DCHS2: variants seen among roughly 807,000 people sequenced by gnomAD.
The protein encoded by DCHS2 is dachsous cadherin-related 2, also known as protocadherin-23.
A neutral mutation model predicts 182.4 loss-of-function variants in DCHS2; 142 were observed. The ratio of observed to expected loss-of-function variants is 0.78; its 90% CI spans 0.68 to 0.89. DCHS2 has a LOEUF of 0.89. Ranked by LOEUF, DCHS2 falls within the 40% of genes least tolerant of loss-of-function variation. The probability of loss-of-function intolerance (pLI) is 0.00; values close to 1 mark genes in which losing one functional copy is unlikely to be tolerated. For synonymous variants in DCHS2, 1,740 were observed against 1,663.3 expected (o/e 1.05, Z -1.12); for missense variants, 4,319 against 4,198.6 (o/e 1.03, Z -0.79).
chr4:154,410,664 T>C (rs1425887961), intron 1 of DCHS2, among the ~76,000 whole-genome samples: 1 of 149,526 alleles, frequency 6.7e-6, no homozygotes, highest in South Asian at 2.1e-4. Flanking sequence ...ATTATAAGAG[T>C]TGCAGAAAGA....
intron 16 of DCHS2, among the ~76,000 whole-genome samples, chr4:154,246,972 TA>T (rs1179546900): frequency 2.0e-5 from 3 of 151,732 alleles, no homozygotes; most frequent in Admixed American, 1.3e-4. Flanking sequence ...AAAACAAAAC[TA>T]AAAAAAGGGG....
At chr4:154,397,207 G>C (rs1175896028) in intron 1 of DCHS2, among the ~76,000 whole-genome samples, 1 of 152,122 alleles carries the variant, frequency 6.6e-6, no homozygotes, top group Admixed American at 6.5e-5. Context: ...GACATAAACA[G>C]TAACATGGGC....
intron 1 of DCHS2, among the ~76,000 whole-genome samples, chr4:154,478,474 T>C (rs1229089380): frequency 6.6e-6 from 1 of 152,194 alleles, no homozygotes; most frequent in Admixed American, 6.5e-5. Context: ...GGAGTGAGTT[T>C]CCCATTTTTT....
rs1426494934 is a variant in DCHS2, at chr4:154,235,486, C to A, written c.9166G>T (p.Asp3056Tyr). 6.2e-7 allele frequency: 1 copy of A among 1,614,084 alleles called. No individual in the cohort carries two copies. The highest frequency in any genetic ancestry group is 1.3e-5 in the African/African-American group (1 of 75,052). ...GGGACCACCTCGTTACTGCAGTCGT[C>A]AGTTTTCTGGAAGGCTTTGAGCACA... ...ASVLKAFQKT[D>Y]DCSNEVVPVD... The change falls in exon 20 of 20, where the codon GAC (aspartate) becomes TAC (tyrosine). Residue 3056 changes from aspartate to tyrosine, a missense_variant. Coordinates refer to ENST00000357232, the MANE Select transcript of DCHS2 (RefSeq NM_001358235.2).
chr4:154,353,918 C>A (rs766663835), intron 3 of DCHS2, among the ~76,000 whole-genome samples: 5 of 151,870 alleles, frequency 3.3e-5, no homozygotes, highest in Admixed American at 6.6e-5. Flanking sequence ...GTTTGAAGAC[C>A]TTTTTTTTAT....
intron 13 of DCHS2, among the ~76,000 whole-genome samples, chr4:154,291,348 T>C (rs1578921579): frequency 6.6e-6 from 1 of 152,206 alleles, no homozygotes; most frequent in South Asian, 2.1e-4. Flanking sequence ...GGTGGGAATG[T>C]AAATTAGCTC....
chr4:154,484,219 C>T (rs972286919), intron 1 of DCHS2, among the ~76,000 whole-genome samples: 1 of 152,222 alleles, frequency 6.6e-6, no homozygotes, highest in East Asian at 1.9e-4. Context: ...TTACGCTTCA[C>T]TACCATTCCC....
intron 3 of DCHS2, chr4:154,343,534 C>A: frequency 1.3e-6 from 2 of 1,521,418 alleles, no homozygotes; most frequent in Non-Finnish European, 1.8e-6. Flanking sequence ...GCACTTGCTG[C>A]TTCATCTTGC....
intron 16 of DCHS2, among the ~76,000 whole-genome samples, chr4:154,249,117 CAAT>C (rs1400961098): frequency 1.3e-5 from 2 of 151,948 alleles, no homozygotes; most frequent in African/African-American, 4.8e-5. Flanking sequence ...AGCTTCTGCA[CAAT>C]AAAAGAAATA....
chr4:154,463,268 T>A (rs1735094430), intron 1 of DCHS2, among the ~76,000 whole-genome samples: 1 of 151,940 alleles, frequency 6.6e-6, no homozygotes, highest in African/African-American at 2.4e-5. Flanking sequence ...TCAGAATATA[T>A]CAGCACATTT....
rs1261021293 is a variant in DCHS2 at position 154,489,438 on chromosome 4, C to G, written c.1918G>C (p.Glu640Gln). The stretch of plus-strand genomic sequence containing the variant: ...AGGCAGGTGGCAGAGAGTGGGGGCT[C>G]TCCGAGGTCCTGGGCCACCACTTTC... Reference protein sequence around the residue: ...ELKVVAQDLGEPPLSATCLVS... With the variant: ...ELKVVAQDLGQPPLSATCLVS... The change falls in exon 1 of 20, where the codon GAG becomes CAG. Residue 640 changes from glutamate (E) to glutamine (Q), a missense_variant. Glu to Gln is a conservative substitution (Grantham distance 29). Transcript: ENST00000357232. 1.3e-6 allele frequency: 2 copies of G among 1,551,748 alleles called. No homozygotes were observed. The highest frequency in any genetic ancestry group is 3.9e-5 in the Admixed American group (2 of 51,006).
chr4:154,251,919 A>T (rs1414643552), intron 16 of DCHS2, among the ~76,000 whole-genome samples: 1 of 151,868 alleles, frequency 6.6e-6, no homozygotes, highest in Non-Finnish European at 1.5e-5. Context: ...ATTCATAAAC[A>T]TCAAACAGAA....
At chr4:154,471,440 T>G (rs1457158627) in intron 1 of DCHS2, among the ~76,000 whole-genome samples, 1 of 152,194 alleles carries the variant, frequency 6.6e-6, no homozygotes, top group Non-Finnish European at 1.5e-5. Context: ...GATCAAACCA[T>G]GCTTCCCTTT....
intron 13 of DCHS2, among the ~76,000 whole-genome samples, chr4:154,288,861 A>G (rs1734527100): frequency 6.6e-6 from 1 of 152,170 alleles, no homozygotes; most frequent in Non-Finnish European, 1.5e-5. Context: ...GAAAATTTAA[A>G]CATTTCTTGA....
chr4:154,236,977 T>G lies in DCHS2; in HGVS notation c.7675A>C (p.Ser2559Arg). The G allele has an allele frequency of 6.2e-7, 1 of 1,614,072 alleles. No individual in the cohort carries two copies. Among genetic ancestry groups the G allele is most frequent in the Admixed American group, 1.7e-5 (1 of 60,022 alleles). The change falls in exon 20 of 20, where the codon AGT becomes CGT. Residue 2559 changes from serine (S) to arginine (R), a missense_variant. Coordinates refer to ENST00000357232, the MANE Select transcript of DCHS2 (RefSeq NM_001358235.2). ...GTGCTTCCAACCAGAGCATCCTCAC[T>G]TAGGCTAAGATTATAGGATTTGACT... ...FTVKSYNLSLSEDALVGSTLV... is the reference protein window; with the variant it reads ...FTVKSYNLSLREDALVGSTLV...
At chr4:154,458,265 T>G (rs960488524) in intron 1 of DCHS2, among the ~76,000 whole-genome samples, 2 of 151,874 alleles carry the variant, frequency 1.3e-5, no homozygotes, top group African/African-American at 2.4e-5. Flanking sequence ...ATTCTATAAC[T>G]GTATTAATAG....
chr4:154,412,981 G>A (rs1410458680), intron 1 of DCHS2, among the ~76,000 whole-genome samples: 1 of 152,138 alleles, frequency 6.6e-6, no homozygotes, highest in African/African-American at 2.4e-5. Context: ...GAAATAGAGA[G>A]GAAAAGGAAG....
At chr4:154,315,338 C>G (rs1578954121) in intron 10 of DCHS2, among the ~76,000 whole-genome samples, 1 of 152,130 alleles carries the variant, frequency 6.6e-6, no homozygotes, top group Admixed American at 6.5e-5. Flanking sequence ...TCTAGGCAGT[C>G]TGACACCAGC....
At chr4:154,409,965 C>A (rs992899931) in intron 1 of DCHS2, among the ~76,000 whole-genome samples, 1 of 152,158 alleles carries the variant, frequency 6.6e-6, no homozygotes, top group Non-Finnish European at 1.5e-5. Flanking sequence ...CTACTTGGAA[C>A]CAAAGTCATC....
Sources: allele counts gnomAD v4.1 joint callset (sites outside exome capture counted in the v4.1 genomes callset), GRCh38; gene constraint gnomAD v4.1.1; transcripts MANE v1.5; gene names NCBI Gene and HGNC (gene_info 2026-07-23, HGNC 2026-07-21).